Variants in INPP4B observed in about 807,000 individuals in gnomAD.
INPP4B encodes the protein inositol polyphosphate 4-phosphatase type II.
Under a neutral mutation model 122.5 loss-of-function variants are expected in INPP4B, and 55 were observed. That is an observed-to-expected ratio of 0.45 (90% CI 0.36 to 0.56). The LOEUF is 0.56. INPP4B is among the 20% of genes least tolerant of loss of function. The pLI is 0.00. For missense variants in INPP4B, 1,000 were observed against 1,097.7 expected, an observed-to-expected ratio of 0.91 and a Z score of 1.26; for synonymous variants, 403 against 388.7, an observed-to-expected ratio of 1.04 and a Z score of -0.43.
chr4:142,331,204 T>C (rs985083855), intron 7 of INPP4B, among the ~76,000 whole-genome samples: 1 of 152,132 alleles, frequency 6.6e-6, no homozygotes, highest in Admixed American at 6.5e-5. Context: ...GAAGCTACCA[T>C]TCATAGTGCA....
In INPP4B at chr4:142,192,354, A is replaced by AAAAAAAAAAAAAAAAAAAAAAAAAAG. The variant is rs148371542; in HGVS notation, c.1181+732_1181+733insCTTTTTTTTTTTTTTTTTTTTTTTTT. Reference sequence around the variant, plus strand: ...AAAGTAAAAAAAAAAAAAAAAAAAAATGGGATTCTTAAGAAGAATAACTAT... The same window carrying AAAAAAAAAAAAAAAAAAAAAAAAAAG: ...AAAGTAAAAAAAAAAAAAAAAAAAAAAAAAAAAAAAAAAAAAAAAAAAAAAGTGGGATTCTTAAGAAGAATAACTAT... On this transcript the variant is annotated intron_variant, in intron 15 of 25. Coordinates refer to ENST00000262992, the MANE Select transcript of INPP4B (RefSeq NM_001101669.3). Among the ~76,000 whole-genome samples the AAAAAAAAAAAAAAAAAAAAAAAAAAG allele has an allele frequency of 1.5e-4, 11 of 73,182 alleles. 1 individual carries two copies. Among genetic ancestry groups the AAAAAAAAAAAAAAAAAAAAAAAAAAG allele is most frequent in the Non-Finnish European group, 2.5e-4 (9 of 35,798 alleles). The allele number at this position is 73,182 out of a possible 152,430, so 48.0% of individuals were successfully genotyped here.
At chr4:142,476,236 T>C (rs1335797196) in intron 2 of INPP4B, among the ~76,000 whole-genome samples, 1 of 152,186 alleles carries the variant, frequency 6.6e-6, no homozygotes, top group African/African-American at 2.4e-5. Context: ...TTAGCCAAAC[T>C]AAGCTTCATA....
At chr4:142,224,878 T>G (rs1850860024) in intron 12 of INPP4B, among the ~76,000 whole-genome samples, 1 of 152,164 alleles carries the variant, frequency 6.6e-6, no homozygotes, top group Non-Finnish European at 1.5e-5. Context: ...GTGTATTCTC[T>G]CAAAGAACTG....
At chr4:142,506,658 G>A (rs1824065756) in intron 2 of INPP4B, among the ~76,000 whole-genome samples, 1 of 152,170 alleles carries the variant, frequency 6.6e-6, no homozygotes, top group Non-Finnish European at 1.5e-5. Context: ...AGTGAAAAAA[G>A]ACAAGGCCCC....
At position 142,350,976 on chromosome 4, in the gene INPP4B, A is replaced by G. The variant is rs531193683; in HGVS notation, c.373-36214T>C. 2.0e-4 allele frequency among the ~76,000 whole-genome samples: 30 copies of G among 152,064 alleles called. No individual in the cohort carries two copies. The Middle Eastern group carries it at 0.02, about 103-fold the overall frequency. On this transcript the variant is annotated intron_variant, in intron 7 of 25. Coordinates refer to ENST00000262992, the MANE Select transcript of INPP4B (RefSeq NM_001101669.3). ...AAAGCCTGGTGAAGAAAGAAGAAAT[A>G]TTGTTTTCCTATGGGCTAGCTGACT...
chr4:142,803,358 G>A (rs1009006600), intron 1 of INPP4B, among the ~76,000 whole-genome samples: 4 of 151,770 alleles, frequency 2.6e-5, no homozygotes, highest in Non-Finnish European at 4.4e-5. Flanking sequence ...ACTCAGAAAT[G>A]CTTTTTTATT....
chr4:142,135,898 G>T (rs1368628611), intron 18 of INPP4B, among the ~76,000 whole-genome samples: 1 of 149,692 alleles, frequency 6.7e-6, no homozygotes, highest in South Asian at 2.1e-4. Flanking sequence ...CCAGGTTCAC[G>T]CCATTCTCCT....
intron 15 of INPP4B, among the ~76,000 whole-genome samples, chr4:142,192,212 C>T (rs960209417): frequency 2.6e-5 from 4 of 150,944 alleles, no homozygotes; most frequent in African/African-American, 9.7e-5. Context: ...CTATTAGATA[C>T]TACGCTTATT....
At chr4:142,642,961 T>A (rs1045214504) in intron 2 of INPP4B, among the ~76,000 whole-genome samples, 1 of 152,216 alleles carries the variant, frequency 6.6e-6, no homozygotes, top group African/African-American at 2.4e-5. Context: ...TGGTTTGTAG[T>A]TCTCCTTGAA....
intron 1 of INPP4B, among the ~76,000 whole-genome samples, chr4:142,828,523 T>C (rs1305121087): frequency 6.6e-6 from 1 of 152,114 alleles, no homozygotes; most frequent in Non-Finnish European, 1.5e-5. Context: ...CAGAGAAGGC[T>C]AGTGGAAGTC....
At chr4:142,049,348 A>G (rs1458152290) in intron 25 of INPP4B, among the ~76,000 whole-genome samples, 5 of 152,078 alleles carry the variant, frequency 3.3e-5, no homozygotes, top group African/African-American at 9.7e-5. Flanking sequence ...TTATAGTTGC[A>G]TGAAAACTAA....
intron 18 of INPP4B, among the ~76,000 whole-genome samples, chr4:142,139,129 G>A (rs111915116): frequency 2.1e-4 from 32 of 152,242 alleles, no homozygotes; most frequent in African/African-American, 5.8e-4. Context: ...ATGACTGAAC[G>A]TGTTCCTGGA....
At chr4:142,641,146 G>A (rs1186687413) in intron 2 of INPP4B, among the ~76,000 whole-genome samples, 1 of 152,090 alleles carries the variant, frequency 6.6e-6, no homozygotes, top group Non-Finnish European at 1.5e-5. Context: ...AGCACTGTCT[G>A]TAATTGTCAC....
intron 2 of INPP4B, among the ~76,000 whole-genome samples, chr4:142,468,642 C>T (rs1475755935): frequency 6.6e-6 from 1 of 152,092 alleles, no homozygotes; most frequent in Non-Finnish European, 1.5e-5. Context: ...TGGAACCTCC[C>T]CTCTTGCTCT....
In INPP4B at chr4:142,504,487, G is replaced by A. The variant is rs183123228; in HGVS notation, c.-190-41761C>T. ...TATAAATACATATACTTTTCTATAT[G>A]CCCTATAGAATAAAAGTCCTAGTGC... On this transcript the variant is annotated intron_variant, in intron 2 of 25. Transcript: ENST00000262992. Among the ~76,000 whole-genome samples, 559 of 152,212 alleles carry A rather than the reference G, an allele frequency of 3.7e-3. 5 individuals are homozygous for A. The highest frequency in any genetic ancestry group is 0.013 in the African/African-American group (529 of 41,556).
At chr4:142,376,471 T>C (rs770594130) in intron 7 of INPP4B, among the ~76,000 whole-genome samples, 3 of 152,014 alleles carry the variant, frequency 2.0e-5, no homozygotes, top group African/African-American at 7.2e-5. Context: ...AATGGAACAA[T>C]TGAAAGGTCA....
intron 12 of INPP4B, among the ~76,000 whole-genome samples, chr4:142,222,917 A>G (rs2149724622): frequency 6.6e-6 from 1 of 152,358 alleles, no homozygotes; most frequent in South Asian, 2.1e-4. Context: ...AGTAGCTCTG[A>G]TACATTGTTT....
At chr4:142,599,593 C>G (rs1010131476) in intron 2 of INPP4B, among the ~76,000 whole-genome samples, 1 of 152,014 alleles carries the variant, frequency 6.6e-6, no homozygotes, top group East Asian at 1.9e-4. Flanking sequence ...GAAGCACAGA[C>G]AGCAACATAA....
intron 2 of INPP4B, among the ~76,000 whole-genome samples, chr4:142,539,002 A>G (rs2150022257): frequency 6.6e-6 from 1 of 151,732 alleles, no homozygotes; most frequent in East Asian, 1.9e-4. Context: ...GTACAAGACA[A>G]TGAAAAAAAT....
Sources: gnomAD v4.1 joint callset for allele counts (sites outside exome capture counted in the v4.1 genomes callset) on GRCh38, gnomAD v4.1.1 for gene constraint, MANE v1.5 for transcripts, NCBI Gene and HGNC (gene_info 2026-07-23, HGNC 2026-07-21) for gene names.